PRKCH: variants seen among roughly 807,000 people sequenced by gnomAD.
The protein encoded by PRKCH is protein kinase C eta.
Under a neutral mutation model 82.5 loss-of-function variants are expected in PRKCH, and 28 were observed. That is an observed-to-expected ratio of 0.34 (90% confidence interval 0.25 to 0.47). The LOEUF (loss-of-function observed/expected upper bound fraction) is 0.47. Among genes scored for constraint, PRKCH ranks in the 20% least tolerant of loss-of-function variants. The probability of loss-of-function intolerance (pLI) is 1.00; values close to 1 mark genes in which losing one functional copy is unlikely to be tolerated. For synonymous variants in PRKCH, 322 were observed against 327.4 expected (o/e 0.98, Z 0.18); for missense variants, 705 against 881.8 (o/e 0.80, Z 2.54).
At chr14:61,234,894 G>A (rs1480598652) in intron 1 of PRKCH, among the ~76,000 whole-genome samples, 1 of 152,202 alleles carries the variant, frequency 6.6e-6, no homozygotes, top group African/African-American at 2.4e-5. Flanking sequence ...ATAGCCATAG[G>A]CAGTCTCTGT....
chr14:61,548,025 C>T (rs372176533), intron 13 of PRKCH, 139 bp downstream of exon 13: 5 of 1,122,358 alleles, frequency 4.5e-6, no homozygotes, highest in Non-Finnish European at 2.5e-6. Context: ...GCAGCCTCCC[C>T]TGGGGGGAAT....
chr14:61,415,960 G>A (rs886232407), intron 2 of PRKCH, among the ~76,000 whole-genome samples: 3 of 150,794 alleles, frequency 2.0e-5, no homozygotes, highest in Admixed American at 1.3e-4. Context: ...TGATTGGCTT[G>A]TTTTGCTTTG....
chr14:61,318,591 TCTTCCTCATTCC>T (rs1265395732), upstream of PRKCH, among the ~76,000 whole-genome samples: 1 of 152,124 alleles, frequency 6.6e-6, no homozygotes, highest in Non-Finnish European at 1.5e-5. Flanking sequence ...GATACCGTCC[TCTTCCTCATTCC>T]CTTCAATCTG....
chr14:61,535,093 C>G (rs1425933549), intron 12 of PRKCH, among the ~76,000 whole-genome samples: 4 of 152,044 alleles, frequency 2.6e-5, no homozygotes, highest in South Asian at 4.1e-4. Flanking sequence ...AAATCTTGAC[C>G]AAAGACATAT....
chr14:61,311,648 C>G (rs998027352), intron 1 of PRKCH, among the ~76,000 whole-genome samples: 1 of 152,240 alleles, frequency 6.6e-6, no homozygotes, highest in Non-Finnish European at 1.5e-5. Context: ...TCTGTTTTCA[C>G]ACTGCTACAA....
At chr14:61,472,404 C>G (rs1312532732) in intron 9 of PRKCH, among the ~76,000 whole-genome samples, 1 of 152,202 alleles carries the variant, frequency 6.6e-6, no homozygotes, top group African/African-American at 2.4e-5. Context: ...AGATTCCCAT[C>G]CTGTGTGTGG....
chr14:61,265,416 A>G (rs2045090250), intron 1 of PRKCH, among the ~76,000 whole-genome samples: 1 of 152,134 alleles, frequency 6.6e-6, no homozygotes, highest in Non-Finnish European at 1.5e-5. Context: ...GGGATGCGGA[A>G]GCTGCAGTGA....
intron 2 of PRKCH, among the ~76,000 whole-genome samples, chr14:61,432,785 A>G (rs1334464456): frequency 6.6e-6 from 1 of 151,998 alleles, no homozygotes; most frequent in Non-Finnish European, 1.5e-5. Context: ...TATTGTCCAG[A>G]CTGGTTTTGT....
At chr14:61,463,342 GAC>G (rs1377191037) in intron 9 of PRKCH, 1 of 152,194 alleles carries the variant, frequency 6.6e-6, no homozygotes, top group Non-Finnish European at 1.5e-5. Flanking sequence ...ACATGGAGGG[GAC>G]AGCAAACATT....
chr14:61,275,803 A>G (rs1214643989), intron 1 of PRKCH, among the ~76,000 whole-genome samples: 1 of 151,870 alleles, frequency 6.6e-6, no homozygotes, highest in Non-Finnish European at 1.5e-5. Context: ...ACAACCCCCA[A>G]AGTTTCTTGG....
chr14:61,238,897 T>G (rs766190693), intron 1 of PRKCH, among the ~76,000 whole-genome samples: 7 of 152,124 alleles, frequency 4.6e-5, no homozygotes, highest in Non-Finnish European at 8.8e-5. Context: ...GGATCTCCAT[T>G]AAAGGAGCCC....
At chr14:61,194,205 A>C (rs930103388) in intron 1 of PRKCH, among the ~76,000 whole-genome samples, 1 of 152,250 alleles carries the variant, frequency 6.6e-6, no homozygotes, top group Admixed American at 6.5e-5. Flanking sequence ...GATGTATTAG[A>C]GTCTACTATA....
chr14:61,504,850 A>G (rs949551354), intron 10 of PRKCH, among the ~76,000 whole-genome samples: 3 of 152,140 alleles, frequency 2.0e-5, no homozygotes, highest in Admixed American at 6.5e-5. Flanking sequence ...ATTTGTCTGT[A>G]ACTTTATAGG....
chr14:61,480,889 T>G (rs1566905856), intron 9 of PRKCH, among the ~76,000 whole-genome samples: 1 of 152,130 alleles, frequency 6.6e-6, no homozygotes, highest in Non-Finnish European at 1.5e-5. Context: ...CATCTTACAC[T>G]TCAACTGCAC....
At chr14:61,364,639 C>G (rs2046274524) in intron 1 of PRKCH, among the ~76,000 whole-genome samples, 1 of 151,884 alleles carries the variant, frequency 6.6e-6, no homozygotes, top group African/African-American at 2.4e-5. Flanking sequence ...GTTCGAGAGA[C>G]CAGCCTGGGC....
At chr14:61,428,576 A>G (rs1401417569) in intron 2 of PRKCH, among the ~76,000 whole-genome samples, 2 of 152,218 alleles carry the variant, frequency 1.3e-5, no homozygotes, top group Admixed American at 6.5e-5. Context: ...TCTCTACCAG[A>G]TGCTGAGAAT....
At chr14:61,276,932 C>T (rs1345511246) in intron 1 of PRKCH, among the ~76,000 whole-genome samples, 1 of 152,130 alleles carries the variant, frequency 6.6e-6, no homozygotes. Context: ...ACCTGTAATC[C>T]CAGCACTTTG....
intron 1 of PRKCH, among the ~76,000 whole-genome samples, chr14:61,187,844 C>T (rs372562369): frequency 2.6e-5 from 4 of 152,286 alleles, no homozygotes; most frequent in South Asian, 4.2e-4. Context: ...ACACTGCATG[C>T]GGGGTGGGAA....
intron 2 of PRKCH, among the ~76,000 whole-genome samples, chr14:61,438,218 ACT>A (rs1281484053): frequency 6.6e-6 from 1 of 150,964 alleles, no homozygotes; most frequent in African/African-American, 2.4e-5. Context: ...CAACCACCAA[ACT>A]CTCTTGTCTG....
Sources: gnomAD v4.1 joint callset for allele counts (sites outside exome capture counted in the v4.1 genomes callset) on GRCh38, gnomAD v4.1.1 for gene constraint, MANE v1.5 for transcripts, NCBI Gene and HGNC (gene_info 2026-07-23, HGNC 2026-07-21) for gene names.